Variants in NBAS observed in about 807,000 individuals in gnomAD.
NBAS encodes the protein NBAS subunit of NRZ tethering complex, also known as NAG/BC035112 fusion.
In NBAS, 219 loss-of-function variants were observed where a neutral mutation model predicts 302.5. The observed-to-expected ratio is 0.72, with a 90% confidence interval of 0.65 to 0.81. The LOEUF is 0.81. NBAS is among the 30% of genes least tolerant of loss of function. The probability of loss-of-function intolerance (pLI) is 0.00; values close to 1 mark genes in which losing one functional copy is unlikely to be tolerated. For synonymous variants in NBAS, 1,118 were observed against 1,021.6 expected (o/e 1.09, Z -1.80); for missense variants, 2,932 against 2,841.6 (o/e 1.03, Z -0.72).
chr2:14,807,008 C>G, the NBAS span, among the ~76,000 whole-genome samples: 1 of 151,952 alleles, frequency 6.6e-6, no homozygotes, highest in East Asian at 1.9e-4. Flanking sequence ...CTCTTGATAT[C>G]TTCACAGCTT....
At chr2:15,003,759 CTCT>C in the NBAS span, among the ~76,000 whole-genome samples, 1 of 152,156 alleles carries the variant, frequency 6.6e-6, no homozygotes, top group African/African-American at 2.4e-5. Context: ...TTGAATTAGG[CTCT>C]AACCAACCAG....
At chr2:14,995,209 C>A in the NBAS span, among the ~76,000 whole-genome samples, 4 of 152,250 alleles carry the variant, frequency 2.6e-5, no homozygotes, top group Admixed American at 1.3e-4. Context: ...ATCCCTCCCC[C>A]CTGCCCCCAC....
At chr2:15,021,881 G>A in the NBAS span, among the ~76,000 whole-genome samples, 13 of 152,286 alleles carry the variant, frequency 8.5e-5, no homozygotes, top group East Asian at 3.9e-4. Flanking sequence ...TCTAAGTCTC[G>A]GTTTAGTCAC....
chr2:15,281,793 T>C (rs1221454258), intron 42 of NBAS, among the ~76,000 whole-genome samples: 1 of 152,202 alleles, frequency 6.6e-6, no homozygotes, highest in African/African-American at 2.4e-5. Context: ...CATTTTCCTG[T>C]TTATGTTTTG....
In NBAS at chr2:15,400,788, C is replaced by T. The variant is rs80315915; in HGVS notation, c.3071+1380G>A. Among the ~76,000 whole-genome samples the T allele has an allele frequency of 1.2e-3, 181 of 152,262 alleles. 1 individual carries two copies. In the East Asian group the frequency reaches 0.019, roughly 16 times the overall value. On this transcript the variant is annotated intron_variant, in intron 26 of 51. Coordinates refer to ENST00000281513, the MANE Select transcript of NBAS (RefSeq NM_015909.4). ...TTTATTTTAGAAAAGTGCCTCCCCACGGCCCCACATTTTGTCTTCCTAAAT... is the reference window on the plus strand; with the variant it reads ...TTTATTTTAGAAAAGTGCCTCCCCATGGCCCCACATTTTGTCTTCCTAAAT...
intron 47 of NBAS, among the ~76,000 whole-genome samples, chr2:15,224,976 A>C (rs1000584824): frequency 2.6e-5 from 4 of 152,200 alleles, no homozygotes; most frequent in African/African-American, 9.7e-5. Flanking sequence ...AAATAAACAA[A>C]TGTGTAAATG....
the NBAS span, among the ~76,000 whole-genome samples, chr2:14,871,056 A>C: frequency 1.2e-4 from 19 of 152,228 alleles, no homozygotes; most frequent in African/African-American, 4.3e-4. Flanking sequence ...AAGAAAAATA[A>C]ACATTAGTGA....
At chr2:14,990,129 C>T in the NBAS span, among the ~76,000 whole-genome samples, 1 of 151,538 alleles carries the variant, frequency 6.6e-6, no homozygotes, top group African/African-American at 2.4e-5. Context: ...ATTGTTAAAA[C>T]AGGCCAGGTG....
At chr2:15,093,340 C>T in the NBAS span, among the ~76,000 whole-genome samples, 2 of 152,050 alleles carry the variant, frequency 1.3e-5, no homozygotes, top group Non-Finnish European at 2.9e-5. Context: ...CGCTTGAACC[C>T]GGGAGGCGGT....
At chr2:14,931,814 C>G in the NBAS span, among the ~76,000 whole-genome samples, 2 of 152,198 alleles carry the variant, frequency 1.3e-5, no homozygotes, top group South Asian at 2.1e-4. Flanking sequence ...TCCTTATACT[C>G]CCTTCCATCA....
the NBAS span, among the ~76,000 whole-genome samples, chr2:14,864,195 T>C: frequency 6.6e-6 from 1 of 151,608 alleles, no homozygotes; most frequent in African/African-American, 2.4e-5. Flanking sequence ...CACACACCTA[T>C]AATCCCAGCT....
the NBAS span, among the ~76,000 whole-genome samples, chr2:14,872,452 C>T: frequency 2.0e-5 from 3 of 152,132 alleles, no homozygotes; most frequent in South Asian, 6.2e-4. Flanking sequence ...TCCTGGGTTC[C>T]AGTGATTCTC....
chr2:15,477,311 G>T (rs943874643), intron 13 of NBAS, among the ~76,000 whole-genome samples: 1 of 152,016 alleles, frequency 6.6e-6, no homozygotes. Context: ...GCCCAGGCTG[G>T]AGTGCAGTCC....
intron 38 of NBAS, among the ~76,000 whole-genome samples, chr2:15,325,707 T>G (rs1456088133): frequency 6.6e-6 from 1 of 152,228 alleles, no homozygotes; most frequent in African/African-American, 2.4e-5. Flanking sequence ...TAAGGTTGTT[T>G]TGCTTTCTTA....
At chr2:15,466,307 G>A (rs928941397) in intron 19 of NBAS, among the ~76,000 whole-genome samples, 1 of 152,036 alleles carries the variant, frequency 6.6e-6, no homozygotes, top group African/African-American at 2.4e-5. Context: ...ACAAAAGGGA[G>A]GCAGAACACA....
chr2:15,467,783 T>C lies in NBAS; in HGVS notation c.1899A>G (p.Ile633Met), dbSNP rs1185854853. The part of the protein sequence containing the change: ...DDGRFTLPGE[I>M]DIDSISYEEL... ...CTTCATAGGAGATACTGTCAATGTCTATTTCACCAGGTAATGTAAATCTGC... is the reference window on the plus strand; with the variant it reads ...CTTCATAGGAGATACTGTCAATGTCCATTTCACCAGGTAATGTAAATCTGC... The change falls in exon 18 of 52, where the codon ATA becomes ATG. Residue 633 changes from isoleucine (I) to methionine (M), a missense_variant. By Grantham distance (10) the Ile-to-Met change is conservative. Transcript: ENST00000281513. 6.3e-7 allele frequency: 1 copy of C among 1,592,114 alleles called. No individual in the cohort carries two copies. Among genetic ancestry groups the C allele is most frequent in the Non-Finnish European group, 8.6e-7 (1 of 1,160,554 alleles).
At chr2:15,280,341 A>T (rs560498543) in intron 42 of NBAS, among the ~76,000 whole-genome samples, 1 of 152,250 alleles carries the variant, frequency 6.6e-6, no homozygotes, top group South Asian at 2.1e-4. Context: ...AGAAGGAAAG[A>T]GGAAGGAGGA....
At chr2:15,445,511 G>T (rs1187954472) in intron 21 of NBAS, among the ~76,000 whole-genome samples, 9 of 112,764 alleles carry the variant, frequency 8.0e-5, no homozygotes, top group African/African-American at 2.9e-4. Context: ...GTTGTGGGGT[G>T]GGGGGAGGGG....
chr2:15,081,016 C>T, the NBAS span, among the ~76,000 whole-genome samples: 7 of 152,042 alleles, frequency 4.6e-5, no homozygotes, highest in Non-Finnish European at 1.0e-4. Context: ...TAGATAAAAA[C>T]GGGCCACCAT....
Sources: allele counts gnomAD v4.1 joint callset (sites outside exome capture counted in the v4.1 genomes callset), GRCh38; gene constraint gnomAD v4.1.1; transcripts MANE v1.5; gene names NCBI Gene and HGNC (gene_info 2026-07-23, HGNC 2026-07-21).